ZCCHC8: variants seen among roughly 807,000 people sequenced by gnomAD.
ZCCHC8 encodes the protein zinc finger CCHC-type containing 8.
In ZCCHC8, 27 loss-of-function variants were observed where a neutral mutation model predicts 70.6. The ratio of observed to expected loss-of-function variants is 0.38; its 90% CI spans 0.28 to 0.53. The LOEUF (loss-of-function observed/expected upper bound fraction) is 0.53. Among genes scored for constraint, ZCCHC8 ranks in the 20% least tolerant of loss-of-function variants. The pLI is 0.81. For synonymous variants in ZCCHC8, 293 were observed against 317.4 expected (o/e 0.92, Z 0.82); for missense variants, 737 against 876.9 (o/e 0.84, Z 2.01).
At chr12:122,486,892 C>T (rs1032759649) in intron 5 of ZCCHC8, among the ~76,000 whole-genome samples, 5 of 152,186 alleles carry the variant, frequency 3.3e-5, no homozygotes, top group Admixed American at 6.5e-5. Flanking sequence ...TTAAGCCCTG[C>T]CCTGGCTTTG....
intron 5 of ZCCHC8, among the ~76,000 whole-genome samples, chr12:122,487,845 G>A (rs1957669776): frequency 6.6e-6 from 1 of 151,832 alleles, no homozygotes; most frequent in Admixed American, 6.6e-5. Flanking sequence ...ATACACATAT[G>A]TATCTATACA....
rs546719216 is a variant in ZCCHC8 at position 122,490,323 on chromosome 12, G to C, written c.423+139C>G. 2.4e-4 allele frequency: 168 copies of C among 686,466 alleles called. 4 individuals carry two copies. The South Asian group carries it at 3.2e-3, about 13-fold the overall frequency. 42.5% of individuals were successfully genotyped at this position (686,466 alleles called of 1,614,324 possible). ...TGTGTGGCTAAACCAGTCAGGCTTC[G>C]GAAAAGCAAGCCAGTAGAAGGAGAA... On this transcript the variant is annotated intron_variant, in intron 4 of 13. Coordinates refer to ENST00000633063, the MANE Select transcript of ZCCHC8 (RefSeq NM_017612.5).
chr12:122,481,287 T>C, intron 10 of ZCCHC8: 1 of 344,410 alleles, frequency 2.9e-6, no homozygotes. Context: ...GCTGGAGAGG[T>C]GATACTCTGG....
At chr12:122,477,120 C>T (rs1957434241) in intron 13 of ZCCHC8, among the ~76,000 whole-genome samples, 1 of 151,496 alleles carries the variant, frequency 6.6e-6, no homozygotes, top group African/African-American at 2.4e-5. Context: ...TGATGTGGGG[C>T]TTTAATCCCT....
chr12:122,481,299 C>T (rs1957528767), intron 10 of ZCCHC8: 5 of 460,522 alleles, frequency 1.1e-5, no homozygotes, highest in Non-Finnish European at 1.9e-5. Context: ...ATACTCTGGC[C>T]TAGACAGTAC....
chr12:122,493,296 T>G (rs983178994), intron 2 of ZCCHC8, among the ~76,000 whole-genome samples: 1 of 152,236 alleles, frequency 6.6e-6, no homozygotes, highest in Non-Finnish European at 1.5e-5. Context: ...TTTTTTTTAA[T>G]GTTTAACAAA....
chr12:122,476,271 CAAT>C (rs1372614879), intron 13 of ZCCHC8, among the ~76,000 whole-genome samples: 3 of 152,122 alleles, frequency 2.0e-5, no homozygotes, highest in African/African-American at 7.2e-5. Context: ...ATTCTATAGA[CAAT>C]AAGATTTGTG....
chr12:122,488,668 C>T (rs938364846), intron 5 of ZCCHC8, among the ~76,000 whole-genome samples: 2 of 151,846 alleles, frequency 1.3e-5, no homozygotes, highest in East Asian at 3.9e-4. Flanking sequence ...GTCAGGAGTT[C>T]GAGACCAGCC....
At position 122,483,710 on chromosome 12, in the gene ZCCHC8, T is replaced by C; in HGVS notation, c.502-147A>G. The C allele has an allele frequency of 1.5e-6, 1 of 685,406 alleles. No individual in the cohort carries two copies. Among genetic ancestry groups the C allele is most frequent in the Admixed American group, 2.9e-5 (1 of 34,908 alleles). 42.5% of individuals were successfully genotyped at this position (685,406 alleles called of 1,614,324 possible). On this transcript the variant is annotated intron_variant, in intron 5 of 13. Coordinates refer to ENST00000633063, the MANE Select transcript of ZCCHC8 (RefSeq NM_017612.5). The surrounding 1 kb of genome is among the most constrained non-coding windows in gnomAD (Gnocchi z 4.4). ...TTCCTTGTTATTAAGGAGCCAGACTTTGATGTGTAAGTAGAAACTACATCG... is the reference window on the plus strand; with the variant it reads ...TTCCTTGTTATTAAGGAGCCAGACTCTGATGTGTAAGTAGAAACTACATCG...
At chr12:122,498,752 C>A in intron 2 of ZCCHC8, 75 bp downstream of exon 2, 7 of 1,439,600 alleles carry the variant, frequency 4.9e-6, no homozygotes, top group Non-Finnish European at 6.8e-6. Context: ...CTTTTTACAA[C>A]GAAATTCTGA....
rs567427103 is a variant in ZCCHC8 at position 122,479,013 on chromosome 12, T to A, written c.1141-721A>T. ...AACTTTCTATCTGCTCACTAGACTC[T>A]AACTTCAAGTCTTTGGCTGTTTCCC... On this transcript the variant is annotated intron_variant, in intron 11 of 13. Transcript: ENST00000633063. Among the ~76,000 whole-genome samples, 18 of 152,334 alleles carry A rather than the reference T, an allele frequency of 1.2e-4. No individual in the cohort carries two copies. In the South Asian group the frequency reaches 3.5e-3, roughly 30 times the overall value.
At position 122,481,938 on chromosome 12, in the gene ZCCHC8, T is replaced by C; in HGVS notation, c.875+7A>G. The C allele has an allele frequency of 6.2e-7, 1 of 1,611,110 alleles. No homozygotes were observed. Among genetic ancestry groups the C allele is most frequent in the Non-Finnish European group, 8.5e-7 (1 of 1,178,874 alleles). Reference sequence around the variant, plus strand: ...AATGACCTTCTATGGTAAAATGCCATTAGTACCTAATAACTCCTGGCTTGA... The same window carrying C: ...AATGACCTTCTATGGTAAAATGCCACTAGTACCTAATAACTCCTGGCTTGA... On this transcript the variant is annotated splice_region_variant and intron_variant, in intron 9 of 13. Transcript: ENST00000633063.
intron 4 of ZCCHC8, among the ~76,000 whole-genome samples, chr12:122,489,866 C>T (rs952776603): frequency 6.6e-6 from 1 of 151,766 alleles, no homozygotes; most frequent in Non-Finnish European, 1.5e-5. Flanking sequence ...GTACAGAATA[C>T]ATAAAAACCA....
chr12:122,477,753 G>A, intron 13 of ZCCHC8, 88 bp downstream of exon 13: 1 of 988,362 alleles, frequency 1.0e-6, no homozygotes. Context: ...TCACGCCATT[G>A]TACTCCAGCC....
At chr12:122,499,016 A>G in intron 1 of ZCCHC8, 147 bp from the exon 2 acceptor site, 1 of 763,744 alleles carries the variant, frequency 1.3e-6, no homozygotes, top group Non-Finnish European at 2.2e-6. Flanking sequence ...TTGAGCTTCT[A>G]TTTTGTTGCA....
chr12:122,500,922 TCTAGAGCTCTGGCCGCACGGAGCCACCCG>T, exon 1 of ZCCHC8: 1 of 1,437,544 alleles, frequency 7.0e-7, no homozygotes, highest in Admixed American at 2.2e-5. This position sits in a 1 kb window ranked among gnomAD's most constrained non-coding sequence, Gnocchi z 4.8. Context: ...GGCACCACTC[TCTAGAGCTCTGGCCGCACGGAGCCACCCG>T]CTAGGGTTTT....
In ZCCHC8 at chr12:122,500,566, C is replaced by T. The variant is rs148023340; in HGVS notation, c.199+76G>A. 2 of 1,464,804 alleles carry T rather than the reference C, an allele frequency of 1.4e-6. No homozygotes were observed. The highest frequency in any genetic ancestry group is 1.4e-5 in the African/African-American group (1 of 70,696). The allele number at this position is 1,464,804 out of a possible 1,614,324, so 90.7% of individuals were successfully genotyped here. A position where few individuals can be genotyped will look rare whatever the true frequency, so the allele number is the denominator to read the frequency against. ...CGCCCGCGCCCTCGCCCTCGCCCGG[C>T]GCTGCCCCGGCCCCACGCCTGGCGC... is the stretch of plus-strand genomic sequence containing the variant. On this transcript the variant is annotated intron_variant, in intron 1 of 13. Coordinates refer to ENST00000633063, the MANE Select transcript of ZCCHC8 (RefSeq NM_017612.5). The surrounding 1 kb of genome is among the most constrained non-coding windows in gnomAD (Gnocchi z 4.8).
intron 13 of ZCCHC8, 51 bp downstream of exon 13, chr12:122,477,790 C>CAA (rs145158700): frequency 3.9e-3 from 3,868 of 1,000,568 alleles, no homozygotes; most frequent in South Asian, 5.5e-3. Context: ...GACTCCATCT[C>CAA]AAAAAAAAAA....
At chr12:122,498,982 G>T in intron 1 of ZCCHC8, 113 bp from the exon 2 acceptor site, 4 of 1,003,026 alleles carry the variant, frequency 4.0e-6, no homozygotes, top group Non-Finnish European at 6.1e-6. Flanking sequence ...AAGACCCACG[G>T]ATATTTTGAG....
Sources: gnomAD v4.1 joint callset for allele counts (sites outside exome capture counted in the v4.1 genomes callset) on GRCh38, gnomAD v4.1.1 for gene constraint, Gnocchi (gnomAD v3.1) non-coding constraint, MANE v1.5 for transcripts, NCBI Gene and HGNC (gene_info 2026-07-23, HGNC 2026-07-21) for gene names.